SNRNP27: variants seen among roughly 807,000 people sequenced by gnomAD.
SNRNP27 encodes the protein small nuclear ribonucleoprotein U4/U6.U5 subunit 27.
A neutral mutation model predicts 25.1 loss-of-function variants in SNRNP27; 22 were observed. The ratio of observed to expected loss-of-function variants is 0.88; its 90% CI spans 0.63 to 1.25. SNRNP27 has a LOEUF of 1.25. Ranked by LOEUF, SNRNP27 falls within the 50% of genes most tolerant of loss-of-function variation. SNRNP27 has a pLI of 0.00. For missense variants in SNRNP27, 150 were observed against 202.3 expected, an observed-to-expected ratio of 0.74 and a Z score of 1.57; for synonymous variants, 66 against 64.9, an observed-to-expected ratio of 1.02 and a Z score of -0.08.
intron 5 of SNRNP27, 128 bp downstream of exon 5, chr2:69,903,373 A>G (rs1324861797): frequency 5.5e-6 from 4 of 725,798 alleles, no homozygotes; most frequent in Admixed American, 4.3e-5. Flanking sequence ...TGAATGAAAT[A>G]TTCATTGCTT....
At position 69,904,391 on chromosome 2, in the gene SNRNP27, C is replaced by A; in HGVS notation, c.*83C>A. On this transcript the variant is annotated 3_prime_UTR_variant, in exon 6 of 6. Transcript: ENST00000244227. ...TTGTATTTTGTATTTAACTTGCATT[C>A]AAAAAACAGGATCTCAGTTCTCCTT... 2.9e-6 allele frequency: 3 copies of A among 1,035,094 alleles called. No homozygotes were observed. The highest frequency in any genetic ancestry group is 1.8e-5 in the Admixed American group (1 of 55,702). 64.1% of individuals were successfully genotyped at this position (1,035,094 alleles called of 1,614,324 possible).
intron 4 of SNRNP27, among the ~76,000 whole-genome samples, chr2:69,902,418 G>C (rs751030350): frequency 6.8e-6 from 1 of 147,418 alleles, no homozygotes; most frequent in East Asian, 2.0e-4. Flanking sequence ...CTGCTTCTGC[G>C]TCTGCTTCTT....
intron 4 of SNRNP27, among the ~76,000 whole-genome samples, chr2:69,902,419 T>TCTGCTTCTTCTG (rs1247033885): frequency 1.3e-5 from 2 of 152,006 alleles, no homozygotes; most frequent in South Asian, 2.1e-4. Context: ...TGCTTCTGCG[T>TCTGCTTCTTCTG]CTGCTTCTTC....
In SNRNP27 at chr2:69,895,069, T is replaced by C. The variant is rs1229713257; in HGVS notation, c.35-25T>C. On this transcript the variant is annotated intron_variant, in intron 1 of 5. Transcript: ENST00000244227. ...AGATATTTGAGGTAATTATCAGTTCTGCAATTTGTGTGCGTTTGCATTAGA... is the reference window on the plus strand; with the variant it reads ...AGATATTTGAGGTAATTATCAGTTCCGCAATTTGTGTGCGTTTGCATTAGA... 1.9e-6 allele frequency: 3 copies of C among 1,611,308 alleles called. No homozygotes were observed. In the East Asian group the frequency reaches 6.7e-5, roughly 36 times the overall value.
At chr2:69,904,232 G>T in intron 5 of SNRNP27, 22 bp from the exon 6 acceptor site, 1 of 1,547,228 alleles carries the variant, frequency 6.5e-7, no homozygotes, top group South Asian at 1.2e-5. Flanking sequence ...AAAAAACAAT[G>T]AATTTTCTCT....
chr2:69,902,476 G>A (rs889429837), intron 4 of SNRNP27, among the ~76,000 whole-genome samples: 2 of 151,758 alleles, frequency 1.3e-5, no homozygotes, highest in Admixed American at 6.6e-5. Context: ...TTCTGCTGCT[G>A]CTGTTTCTGT....
chr2:69,902,656 TCTTCTGCTGCTCCTTCTGCTGCTC>T (rs71916262), intron 4 of SNRNP27, among the ~76,000 whole-genome samples: 2 of 150,558 alleles, frequency 1.3e-5, no homozygotes, highest in African/African-American at 4.9e-5. Flanking sequence ...TGCTTCTGCT[TCTTCTGCTGCTCCTTCTGCTGCTC>T]CTTCTGCTGC....
intron 3 of SNRNP27, among the ~76,000 whole-genome samples, chr2:69,896,863 G>A (rs936863548): frequency 5.3e-5 from 8 of 151,836 alleles, no homozygotes; most frequent in African/African-American, 1.5e-4. Flanking sequence ...TAGTAGAGAC[G>A]GGTTCTCACC....
Sources: allele counts gnomAD v4.1 joint callset (sites outside exome capture counted in the v4.1 genomes callset), GRCh38; gene constraint gnomAD v4.1.1; transcripts MANE v1.5; gene names NCBI Gene and HGNC (gene_info 2026-07-23, HGNC 2026-07-21).